PALM2AKAP2: variants seen among roughly 807,000 people sequenced by gnomAD.
The protein encoded by PALM2AKAP2 is PALM2 and AKAP2 fusion, also known as PALM2-AKAP2 fusion protein.
PALM2AKAP2 carries 37 observed loss-of-function variants against 71.5 expected under a neutral mutation model. The ratio of observed to expected loss-of-function variants is 0.52; its 90% confidence interval spans 0.40 to 0.68. PALM2AKAP2 has a LOEUF of 0.68. Ranked by LOEUF, PALM2AKAP2 falls within the 30% of genes least tolerant of loss-of-function variation. PALM2AKAP2 has a pLI of 0.00. For missense variants in PALM2AKAP2, 1,224 were observed against 1,191.8 expected (o/e 1.03, Z -0.40); for synonymous variants, 468 against 478.8 (o/e 0.98, Z 0.29).
intron 1 of PALM2AKAP2, among the ~76,000 whole-genome samples, chr9:110,121,067 C>A (rs999976554): frequency 6.6e-6 from 1 of 152,174 alleles, no homozygotes; most frequent in Non-Finnish European, 1.5e-5. Flanking sequence ...ACCAGAGAAG[C>A]ATTACCAGGT....
chr9:110,046,959 A>T (rs1833610529), upstream of PALM2AKAP2, among the ~76,000 whole-genome samples: 1 of 152,200 alleles, frequency 6.6e-6, no homozygotes, highest in Admixed American at 6.5e-5. Flanking sequence ...GTGATATCCA[A>T]GCACACTCAT....
In PALM2AKAP2 at chr9:110,130,781, T is replaced by C. The variant is rs1835716168; in HGVS notation, c.157-5346T>C. Among the ~76,000 whole-genome samples, 4 of 152,308 alleles carry C rather than the reference T, an allele frequency of 2.6e-5. No individual in the cohort carries two copies. In the South Asian group the frequency reaches 8.3e-4, roughly 32 times the overall value. ...GTTTTCAAACCTCAAACACCATCCC[T>C]AAGGGTGTATAAACCAAAGGGTTCG... On this transcript the variant is annotated intron_variant, in intron 1 of 3. Transcript: ENST00000374525.
chr9:109,899,739 C>G (rs918071274), intron 3 of PALM2AKAP2, among the ~76,000 whole-genome samples: 2 of 152,166 alleles, frequency 1.3e-5, no homozygotes, highest in Non-Finnish European at 2.9e-5. Flanking sequence ...TGTCTGTGTC[C>G]CGTTCTTTGG....
intron 2 of PALM2AKAP2, among the ~76,000 whole-genome samples, chr9:109,871,926 C>T (rs988152764): frequency 2.1e-4 from 32 of 152,200 alleles, no homozygotes; most frequent in Admixed American, 1.7e-3. Context: ...TATTTACAGA[C>T]GAGGTATGCA....
At chr9:110,053,653 G>A (rs1296164936) in intron 1 of PALM2AKAP2, among the ~76,000 whole-genome samples, 1 of 152,176 alleles carries the variant, frequency 6.6e-6, no homozygotes, top group African/African-American at 2.4e-5. Flanking sequence ...CCGTGCAACT[G>A]GAGAAGGTGC....
Position 110,136,165 on chromosome 9 carries a change from A to C in PALM2AKAP2, c.195A>C (p.Lys65Asn), listed in dbSNP as rs917380654. The C allele has an allele frequency of 3.1e-6, 5 of 1,602,530 alleles. No homozygotes were observed. In the African/African-American group the frequency reaches 6.7e-5, roughly 22 times the overall value. Residue 65 changes from lysine to asparagine, a missense_variant, in exon 2 of 4, where the codon AAA becomes AAC. Coordinates refer to ENST00000374525, the Ensembl canonical transcript of PALM2AKAP2. ...TTTCTGAGGATGATATCTGGCTAAA[A>C]AGCGAGGGAGACAACTATAGTGCCA...
At chr9:109,669,728 G>T (rs1827546736) in intron 1 of PALM2AKAP2, among the ~76,000 whole-genome samples, 2 of 130,118 alleles carry the variant, frequency 1.5e-5, no homozygotes, top group East Asian at 2.0e-4. Flanking sequence ...AAAATTTATT[G>T]ACATAAAGTT....
intron 3 of PALM2AKAP2, among the ~76,000 whole-genome samples, chr9:109,922,363 A>G (rs1209336665): frequency 2.2e-5 from 3 of 133,908 alleles, no homozygotes; most frequent in Non-Finnish European, 4.7e-5. Flanking sequence ...TAGAGGCTGC[A>G]GTGAGCTATG....
intron 6 of PALM2AKAP2, among the ~76,000 whole-genome samples, chr9:109,980,111 T>C (rs970481766): frequency 3.9e-4 from 59 of 152,206 alleles, no homozygotes; most frequent in Middle Eastern, 3.4e-3. Flanking sequence ...CCTGTGCCCA[T>C]AGTAGGCCAC....
At chr9:109,898,239 G>A (rs1564200582) in intron 3 of PALM2AKAP2, among the ~76,000 whole-genome samples, 2 of 152,160 alleles carry the variant, frequency 1.3e-5, no homozygotes, top group African/African-American at 4.8e-5. Flanking sequence ...CTGCGCACCT[G>A]CCCCAGGTTA....
At chr9:109,691,174 T>TACACACACACACACACACACACACACAC (rs56966509) in intron 1 of PALM2AKAP2, among the ~76,000 whole-genome samples, 4 of 147,566 alleles carry the variant, frequency 2.7e-5, no homozygotes, top group African/African-American at 5.0e-5. Context: ...CTTTGAATTT[T>TACACACACACACACACACACACACACAC]ACACACACAC....
intron 1 of PALM2AKAP2, among the ~76,000 whole-genome samples, chr9:109,830,537 A>G (rs572596266): frequency 8.1e-4 from 124 of 152,172 alleles, no homozygotes; most frequent in African/African-American, 2.7e-3. Flanking sequence ...AGGAGAAAAA[A>G]CCTATTGAGG....
At chr9:110,056,625 C>T (rs1015689271) in intron 1 of PALM2AKAP2, among the ~76,000 whole-genome samples, 1 of 152,134 alleles carries the variant, frequency 6.6e-6, no homozygotes, top group African/African-American at 2.4e-5. Flanking sequence ...AAGAATTTTC[C>T]TCAGACACAT....
chr9:110,085,917 G>T (rs1834561664), intron 1 of PALM2AKAP2, among the ~76,000 whole-genome samples: 1 of 152,088 alleles, frequency 6.6e-6, no homozygotes, highest in Non-Finnish European at 1.5e-5. Flanking sequence ...GGCCAGACTG[G>T]CCAAAATGTT....
intron 1 of PALM2AKAP2, among the ~76,000 whole-genome samples, chr9:110,055,026 A>G (rs889112161): frequency 2.6e-5 from 4 of 152,076 alleles, no homozygotes; most frequent in Non-Finnish European, 5.9e-5. Flanking sequence ...GCCAGCTGCC[A>G]TTCTCACCCC....
intron 7 of PALM2AKAP2, among the ~76,000 whole-genome samples, chr9:110,038,708 G>A (rs923753071): frequency 2.0e-5 from 3 of 152,026 alleles, no homozygotes; most frequent in Non-Finnish European, 4.4e-5. Context: ...GGAGGCTGAG[G>A]TGGGCAGATC....
At chr9:109,721,213 C>T (rs1273680684) in intron 1 of PALM2AKAP2, among the ~76,000 whole-genome samples, 4 of 152,152 alleles carry the variant, frequency 2.6e-5, no homozygotes, top group Admixed American at 6.5e-5. Context: ...GCTGAGCTGA[C>T]GACTGTCTTC....
intron 1 of PALM2AKAP2, among the ~76,000 whole-genome samples, chr9:110,075,033 A>G (rs930490525): frequency 2.0e-5 from 3 of 152,128 alleles, no homozygotes; most frequent in African/African-American, 7.2e-5. Flanking sequence ...AAAGAAAAAA[A>G]AAAGTCACTG....
chr9:110,137,277 C>G (rs1835906185), exon 2 of PALM2AKAP2: 2 of 1,614,200 alleles, frequency 1.2e-6, no homozygotes, highest in East Asian at 4.5e-5. Flanking sequence ...CAGAGTACAC[C>G]CAGGCTGTTC....
Sources: gnomAD v4.1 joint callset for allele counts (sites outside exome capture counted in the v4.1 genomes callset) on GRCh38, gnomAD v4.1.1 for gene constraint, MANE v1.5 for transcripts, NCBI Gene and HGNC (gene_info 2026-07-23, HGNC 2026-07-21) for gene names.